The following SSC5D variants were observed in gnomAD, a reference collection of about 807,000 sequenced individuals.
SSC5D encodes the protein soluble scavenger receptor cysteine-rich domain-containing protein SSC5D.
Under a neutral mutation model 104.6 loss-of-function variants are expected in SSC5D, and 106 were observed. That is an observed-to-expected ratio of 1.01 (90% confidence interval 0.87 to 1.19). The LOEUF (loss-of-function observed/expected upper bound fraction) is 1.19, where lower values mean the gene tolerates loss of function less well. Among genes scored for constraint, SSC5D ranks in the 50% most tolerant of loss-of-function variants. The pLI is 0.00. For missense variants in SSC5D, 1,993 were observed against 2,153.8 expected (o/e 0.93, Z 1.48); for synonymous variants, 860 against 883.5 (o/e 0.97, Z 0.47).
intron 12 of SSC5D, among the ~76,000 whole-genome samples, chr19:55,509,850 CAAAAAAAAAAA>C (rs1250937223): frequency 5.3e-5 from 4 of 75,986 alleles, no homozygotes; most frequent in African/African-American, 1.8e-4. Context: ...AACTCTGTCT[CAAAAAAAAAAA>C]AAAAAAAAAA....
intron 9 of SSC5D, 68 bp downstream of exon 9, chr19:55,498,265 G>A: frequency 2.0e-6 from 3 of 1,490,872 alleles, no homozygotes; most frequent in Non-Finnish European, 2.7e-6. Flanking sequence ...ACTAACATGG[G>A]CACTAACATT....
chr19:55,518,960 C>G lies in SSC5D; in HGVS notation c.4684C>G (p.Pro1562Ala), dbSNP rs1332394808. The change falls in exon 14 of 14, where the codon CCA (proline) becomes GCA (alanine). Residue 1562 changes from proline (P) to alanine (A), a missense_variant. Pro to Ala is a conservative substitution (Grantham distance 27). This residue lies in a region of SSC5D where 349 missense variants were observed against 397.6 expected (regional missense o/e 0.88). Transcript: ENST00000389623. ...TSMPAPTTTT[P>A]EEEERPLRGD... Reference sequence around the variant, plus strand: ...CATGCCTGCACCAACCACCACTACCCCAGAGGAAGAAGAAAGACCCCTGAG... The same window carrying G: ...CATGCCTGCACCAACCACCACTACCGCAGAGGAAGAAGAAAGACCCCTGAG... 1.9e-6 allele frequency: 3 copies of G among 1,550,214 alleles called. No individual in the cohort carries two copies. Among genetic ancestry groups the G allele is most frequent in the Non-Finnish European group, 2.6e-6 (3 of 1,146,952 alleles).
chr19:55,489,836 T>G, intron 3 of SSC5D, 46 bp from the exon 4 acceptor site: 6 of 1,520,692 alleles, frequency 3.9e-6, no homozygotes, highest in Non-Finnish European at 5.4e-6. Context: ...ATGGCCTGGA[T>G]TCCCCTCCTC....
chr19:55,498,088 A>C lies in SSC5D; in HGVS notation c.1596A>C (p.Leu532=). 1 of 1,551,626 alleles carries C rather than the reference A, an allele frequency of 6.4e-7. No individual in the cohort carries two copies. The highest frequency in any genetic ancestry group is 8.7e-7 in the Non-Finnish European group (1 of 1,146,962). The part of the protein sequence containing the change: ...RFGWGAGPIW[L]DDVGCVGTEA... The stretch of plus-strand genomic sequence containing the variant: ...GCTGGGGTGCGGGCCCCATCTGGCT[A>C]GATGATGTGGGCTGTGTGGGGACCG... Residue 532 remains leucine (L), a synonymous_variant, in exon 9 of 14, where the codon CTA becomes CTC. Coordinates refer to ENST00000389623, the MANE Select transcript of SSC5D (RefSeq NM_001144950.2).
chr19:55,503,863 C>G lies in SSC5D; in HGVS notation c.2785+2662C>G, dbSNP rs971186962. The stretch of plus-strand genomic sequence containing the variant: ...AGCACGCATGCGCAGGCGCGGTGGG[C>G]CCGGGAATGGAGGGACGGGATGGGG... On this transcript the variant is annotated intron_variant, in intron 12 of 13. Coordinates refer to ENST00000389623, the MANE Select transcript of SSC5D (RefSeq NM_001144950.2). The surrounding 1 kb of genome is among the most constrained non-coding windows in gnomAD (Gnocchi z 4.0). 1.3e-5 allele frequency among the ~76,000 whole-genome samples: 2 copies of G among 152,250 alleles called. No individual in the cohort carries two copies. Among genetic ancestry groups the G allele is most frequent in the African/African-American group, 2.4e-5 (1 of 41,546 alleles).
In SSC5D at chr19:55,517,545, C is replaced by T; in HGVS notation, c.3269C>T (p.Pro1090Leu). The change falls in exon 14 of 14, where the codon CCC becomes CTC. Residue 1090 changes from proline (P) to leucine (L), a missense_variant. Pro to Leu is a moderately conservative substitution (Grantham distance 98, BLOSUM62 -3). This residue lies in a region of SSC5D where 423 missense variants were observed against 409.2 expected (regional missense o/e 1.03). Coordinates refer to ENST00000389623, the MANE Select transcript of SSC5D (RefSeq NM_001144950.2). ...PALTPEPSPTPLPTLPKELTS... is the reference protein window; with the variant it reads ...PALTPEPSPTLLPTLPKELTS... ...TTGACCCCGGAGCCCTCACCCACGC[C>T]CTTACCCACCTTGCCCAAAGAGCTG... 6.4e-7 allele frequency: 1 copy of T among 1,551,428 alleles called. No individual in the cohort carries two copies. Among genetic ancestry groups the T allele is most frequent in the Non-Finnish European group, 8.7e-7 (1 of 1,146,984 alleles).
At chr19:55,496,874 G>A (rs947719080) in intron 8 of SSC5D, among the ~76,000 whole-genome samples, 15 of 151,682 alleles carry the variant, frequency 9.9e-5, no homozygotes, top group African/African-American at 3.4e-4. Flanking sequence ...CTCAGCCTCC[G>A]GAGTAGCTGG....
rs964089965 is a variant in SSC5D, at chr19:55,488,500, TC to T, written c.-87del. On this transcript the variant is annotated 5_prime_UTR_variant, in exon 1 of 14. Transcript: ENST00000389623. ...GGCCTGGGCGCCTCCAGCAGGCACT[TC>T]CCTCCCTCCCTCTCTCCCCAGCTGC... 6 of 1,206,400 alleles carry T rather than the reference TC, an allele frequency of 5.0e-6. No individual in the cohort carries two copies. In the African/African-American group the frequency reaches 9.4e-5, roughly 19 times the overall value. The allele number at this position is 1,206,400 out of a possible 1,614,324, so 74.7% of individuals were successfully genotyped here. A position where few individuals can be genotyped will look rare whatever the true frequency, so the allele number is the denominator to read the frequency against.
In SSC5D at chr19:55,489,720, C is replaced by A. The variant is rs1009408043; in HGVS notation, c.361+58C>A. 22 of 1,513,742 alleles carry A rather than the reference C, an allele frequency of 1.5e-5. No homozygotes were observed. The African/African-American group carries it at 3.0e-4, about 21-fold the overall frequency. The allele number at this position is 1,513,742 out of a possible 1,614,324, so 93.8% of individuals were successfully genotyped here. ...GCTCCTTTGGAGATGACCCAGGAAC[C>A]CCAAGTCCTTAGCCCCAGCAAGTCT... On this transcript the variant is annotated intron_variant, in intron 3 of 13. Transcript: ENST00000389623.
chr19:55,500,126 C>G lies in SSC5D; in HGVS notation c.2016C>G (p.Ala672=), dbSNP rs1987439868. ...SQTTAALTTE[A]SRRPTSEFTR... ...CCACTGCAGCACTGACCACTGAGGC[C>G]TCCCGAAGACCTACCTCTGAGTTTA... The change falls in exon 10 of 14, where the codon GCC becomes GCG. Residue 672 remains alanine, a synonymous_variant. Transcript: ENST00000389623. This position sits in a 1 kb window ranked among gnomAD's most constrained non-coding sequence, Gnocchi z 4.6. The G allele has an allele frequency of 6.4e-7, 1 of 1,551,540 alleles. No individual in the cohort carries two copies. Among genetic ancestry groups the G allele is most frequent in the South Asian group, 1.2e-5 (1 of 84,010 alleles).
chr19:55,512,240 T>C (rs1987773633), intron 12 of SSC5D, among the ~76,000 whole-genome samples: 2 of 151,108 alleles, frequency 1.3e-5, no homozygotes, highest in Admixed American at 1.3e-4. Context: ...CTGTTGTTTG[T>C]ATAAAGCTAG....
intron 9 of SSC5D, among the ~76,000 whole-genome samples, 190 bp from the exon 10 acceptor site, chr19:55,499,626 A>G (rs572586884): frequency 6.6e-6 from 1 of 152,314 alleles, no homozygotes; most frequent in South Asian, 2.1e-4. Flanking sequence ...TTGGCTTGCC[A>G]TAGGCTACCC....
intron 5 of SSC5D, 133 bp from the exon 6 acceptor site, chr19:55,490,639 T>C: frequency 9.1e-7 from 1 of 1,096,506 alleles, no homozygotes; most frequent in East Asian, 2.6e-5. Flanking sequence ...TGGACTCACC[T>C]CTTCACGGGC....
chr19:55,496,581 A>T (rs1417706788), intron 8 of SSC5D, among the ~76,000 whole-genome samples: 1 of 152,184 alleles, frequency 6.6e-6, no homozygotes, highest in Admixed American at 6.5e-5. Context: ...TGATGCTTAC[A>T]GCCACTGTGG....
intron 12 of SSC5D, chr19:55,504,114 A>G: frequency 6.5e-7 from 1 of 1,535,224 alleles, no homozygotes; most frequent in Non-Finnish European, 8.7e-7. Flanking sequence ...TTCCGTTTCC[A>G]GAGCCGGAAG....
At chr19:55,502,648 A>G (rs1053301916) in intron 12 of SSC5D, among the ~76,000 whole-genome samples, 1 of 151,550 alleles carries the variant, frequency 6.6e-6, no homozygotes, top group African/African-American at 2.4e-5. Context: ...TCCATTTTTC[A>G]TGGTAAATTT....
At chr19:55,506,690 G>A (rs1338538331) in intron 12 of SSC5D, among the ~76,000 whole-genome samples, 7 of 152,034 alleles carry the variant, frequency 4.6e-5, no homozygotes, top group East Asian at 1.9e-4. Flanking sequence ...CACCGCGCCC[G>A]GCCGGAGTTT....
chr19:55,507,681 A>AAAAAAAAG (rs1568482697), intron 12 of SSC5D, among the ~76,000 whole-genome samples: 2 of 151,230 alleles, frequency 1.3e-5, no homozygotes, highest in East Asian at 1.9e-4. Flanking sequence ...AAAAAAAAAA[A>AAAAAAAAG]AAAAAAAGAA....
Position 55,504,805 on chromosome 19 carries a change from C to T in SSC5D, c.2785+3604C>T, listed in dbSNP as rs112073251. On this transcript the variant is annotated intron_variant, in intron 12 of 13. Coordinates refer to ENST00000389623, the MANE Select transcript of SSC5D (RefSeq NM_001144950.2). ...AGCCACCGCGCCCGGCCACCTGTTTCTTTCTCTGGAAAAAAAATGGGGCGC... is the reference window on the plus strand; with the variant it reads ...AGCCACCGCGCCCGGCCACCTGTTTTTTTCTCTGGAAAAAAAATGGGGCGC... Among the ~76,000 whole-genome samples, 775 of 152,156 alleles carry T rather than the reference C, an allele frequency of 5.1e-3. 5 individuals are homozygous for T. Among genetic ancestry groups the T allele is most frequent in the Middle Eastern group, 0.014 (4 of 294 alleles).
Sources: allele counts gnomAD v4.1 joint callset (sites outside exome capture counted in the v4.1 genomes callset), GRCh38; gene constraint gnomAD v4.1.1; regional missense constraint gnomAD v4.1.1; non-coding constraint Gnocchi (gnomAD v3.1); transcripts MANE v1.5; gene names NCBI Gene and HGNC (gene_info 2026-07-23, HGNC 2026-07-21).